SLC8A3: variants seen among roughly 807,000 people sequenced by gnomAD.
The protein encoded by SLC8A3 is solute carrier family 8 member A3.
A neutral mutation model predicts 65.4 loss-of-function variants in SLC8A3; 37 were observed. The ratio of observed to expected loss-of-function variants is 0.57; its 90% CI spans 0.44 to 0.74. SLC8A3 has a LOEUF of 0.74. Ranked by LOEUF, SLC8A3 falls within the 30% of genes least tolerant of loss-of-function variation. The probability of loss-of-function intolerance (pLI) is 0.00; values close to 1 mark genes in which losing one functional copy is unlikely to be tolerated. For missense variants in SLC8A3, 1,112 were observed against 1,172.1 expected, an observed-to-expected ratio of 0.95 and a Z score of 0.75; for synonymous variants, 461 against 444.5, an observed-to-expected ratio of 1.04 and a Z score of -0.47.
chr14:70,120,979 T>C (rs1014141368), intron 2 of SLC8A3, among the ~76,000 whole-genome samples: 2 of 152,164 alleles, frequency 1.3e-5, no homozygotes, highest in East Asian at 3.9e-4. Context: ...TTTAACTTGA[T>C]GTAAAATAGT....
intron 6 of SLC8A3, 61 bp downstream of exon 6, chr14:70,048,706 C>T: frequency 7.0e-7 from 1 of 1,420,556 alleles, no homozygotes; most frequent in Non-Finnish European, 9.8e-7. Flanking sequence ...GAGATGGAGT[C>T]CAGGGGTCAT....
intron 2 of SLC8A3, among the ~76,000 whole-genome samples, chr14:70,103,797 G>C (rs578072325): frequency 6.6e-6 from 1 of 152,106 alleles, no homozygotes; most frequent in Non-Finnish European, 1.5e-5. Context: ...AACTCCAACT[G>C]TATTGATAAG....
chr14:70,084,705 G>A (rs530629978), intron 2 of SLC8A3, among the ~76,000 whole-genome samples: 1 of 152,310 alleles, frequency 6.6e-6, no homozygotes, highest in African/African-American at 2.4e-5. Flanking sequence ...GCCTAATGGA[G>A]ACTTGGAAAA....
intron 2 of SLC8A3, among the ~76,000 whole-genome samples, chr14:70,147,280 G>A (rs934429301): frequency 6.6e-6 from 1 of 152,192 alleles, no homozygotes; most frequent in Non-Finnish European, 1.5e-5. Context: ...TTTAGTCTTT[G>A]TCATAGCCTT....
At chr14:70,177,618 G>A (rs959881436) in intron 1 of SLC8A3, among the ~76,000 whole-genome samples, 3 of 152,200 alleles carry the variant, frequency 2.0e-5, no homozygotes, top group Non-Finnish European at 2.9e-5. Flanking sequence ...CATGCTAAAG[G>A]GCATGGAAGC....
chr14:70,088,123 A>T (rs181952485), intron 2 of SLC8A3, among the ~76,000 whole-genome samples: 172 of 152,320 alleles, frequency 1.1e-3, no homozygotes, highest in Middle Eastern at 0.01. Context: ...GGAAAAGAAG[A>T]TTATGAATAC....
In SLC8A3 at chr14:70,046,615, A is replaced by G; in HGVS notation, c.2390-292T>C. On this transcript the variant is annotated intron_variant, in intron 6 of 6. Coordinates refer to ENST00000356921, the MANE Select transcript of SLC8A3 (RefSeq NM_182932.3). The surrounding 1 kb of genome is among the most constrained non-coding windows in gnomAD (Gnocchi z 4.2). ...GTGGGCTTATTGTTCTCCTTTGACT[A>G]CTTTTTCAGTAAGGGAAGTTTGCCA... 1 of 329,356 alleles carries G rather than the reference A, an allele frequency of 3.0e-6. No homozygotes were observed. 20.4% of individuals were successfully genotyped at this position (329,356 alleles called of 1,614,324 possible).
intron 2 of SLC8A3, among the ~76,000 whole-genome samples, chr14:70,126,570 T>TCTCA (rs1385909771): frequency 1.3e-3 from 155 of 117,114 alleles, no homozygotes; most frequent in Middle Eastern, 4.3e-3. Flanking sequence ...TCTCTCTCTC[T>TCTCA]CACACACACA....
rs150944 is a variant in SLC8A3 at position 70,073,181 on chromosome 14, G to C, written c.1785-12242C>G. ...TGCTTATGTGTGTATTCATGTGAGT[G>C]GGGGTATGACGGAGTGGGCTGAGGG... On this transcript the variant is annotated intron_variant, in intron 2 of 6. Coordinates refer to ENST00000356921, the MANE Select transcript of SLC8A3 (RefSeq NM_182932.3). 3.9e-5 allele frequency among the ~76,000 whole-genome samples: 6 copies of C among 152,250 alleles called. No individual in the cohort carries two copies. In the South Asian group the frequency reaches 1.2e-3, roughly 32 times the overall value.
chr14:70,187,337 G>T (rs1883352098), intron 1 of SLC8A3: 2 of 166,170 alleles, frequency 1.2e-5, no homozygotes, highest in African/African-American at 4.9e-5. Flanking sequence ...CGGGGGGAGA[G>T]AGAGAGAGAG....
chr14:70,156,622 T>C (rs1320247726), intron 2 of SLC8A3, among the ~76,000 whole-genome samples: 2 of 152,166 alleles, frequency 1.3e-5, no homozygotes, highest in Non-Finnish European at 2.9e-5. Flanking sequence ...CCATACACTG[T>C]GCCACATGTA....
At chr14:70,050,524 A>T (rs1887368459) in intron 5 of SLC8A3, among the ~76,000 whole-genome samples, 1 of 152,116 alleles carries the variant, frequency 6.6e-6, no homozygotes, top group Non-Finnish European at 1.5e-5. Context: ...GTAAATGCCG[A>T]GGGAGGGGTA....
At chr14:70,133,802 A>T (rs1895009890) in intron 2 of SLC8A3, among the ~76,000 whole-genome samples, 1 of 152,228 alleles carries the variant, frequency 6.6e-6, no homozygotes, top group Non-Finnish European at 1.5e-5. Flanking sequence ...AAGATGGGGT[A>T]TCAAAAATAA....
At chr14:70,173,647 G>C (rs1897688817) in intron 1 of SLC8A3, among the ~76,000 whole-genome samples, 2 of 152,186 alleles carry the variant, frequency 1.3e-5, no homozygotes, top group South Asian at 4.1e-4. Flanking sequence ...GTCCCACTCT[G>C]CTTCTAAATC....
At chr14:70,068,461 C>T (rs930633528) in intron 2 of SLC8A3, among the ~76,000 whole-genome samples, 1 of 152,116 alleles carries the variant, frequency 6.6e-6, no homozygotes, top group African/African-American at 2.4e-5. Flanking sequence ...TCACTGCAGC[C>T]TCAACTCCTG....
chr14:70,080,669 C>T lies in SLC8A3; in HGVS notation c.1785-19730G>A, dbSNP rs1333560637. ...AAAGTCCCATCTTTATACCATGGCCCAGGATTGTCATGGATTCTATTGATT... is the reference window on the plus strand; with the variant it reads ...AAAGTCCCATCTTTATACCATGGCCTAGGATTGTCATGGATTCTATTGATT... On this transcript the variant is annotated intron_variant, in intron 2 of 6. Transcript: ENST00000356921. Among the ~76,000 whole-genome samples, 46 of 152,166 alleles carry T rather than the reference C, an allele frequency of 3.0e-4. 1 individual carries two copies. Among genetic ancestry groups the T allele is most frequent in the Non-Finnish European group, 3.4e-4 (23 of 68,042 alleles).
chr14:70,182,623 C>CA (rs1466018034), intron 1 of SLC8A3, among the ~76,000 whole-genome samples: 3 of 151,982 alleles, frequency 2.0e-5, no homozygotes, highest in African/African-American at 7.3e-5. Context: ...GGGGAATGAG[C>CA]AGTCCTTGTT....
intron 2 of SLC8A3, among the ~76,000 whole-genome samples, chr14:70,151,226 C>T (rs932227701): frequency 4.0e-5 from 6 of 151,024 alleles, no homozygotes; most frequent in African/African-American, 1.5e-4. Context: ...TGCACTCCAG[C>T]CCAGGCGACA....
intron 2 of SLC8A3, among the ~76,000 whole-genome samples, chr14:70,091,303 A>C (rs1891791326): frequency 6.6e-6 from 1 of 152,222 alleles, no homozygotes; most frequent in African/African-American, 2.4e-5. Flanking sequence ...TTTAATAACA[A>C]AAATTTGTCT....
Sources: allele counts gnomAD v4.1 joint callset (sites outside exome capture counted in the v4.1 genomes callset), GRCh38; gene constraint gnomAD v4.1.1; non-coding constraint Gnocchi (gnomAD v3.1); transcripts MANE v1.5; gene names NCBI Gene and HGNC (gene_info 2026-07-23, HGNC 2026-07-21).